NRXN2: variants seen among roughly 807,000 people sequenced by gnomAD.
NRXN2 encodes the protein neurexin 2.
In NRXN2, 29 loss-of-function variants were observed where a neutral mutation model predicts 128.8. The observed-to-expected ratio is 0.23, with a 90% CI of 0.17 to 0.31. The LOEUF (loss-of-function observed/expected upper bound fraction) is 0.31. NRXN2 is among the 10% of genes least tolerant of loss of function. The probability of loss-of-function intolerance (pLI) is 1.00; values close to 1 mark genes in which losing one functional copy is unlikely to be tolerated. For missense variants in NRXN2, 1,881 were observed against 2,452.6 expected (o/e 0.77, Z 4.92); for synonymous variants, 1,098 against 1,075.2 (o/e 1.02, Z -0.41).
intron 17 of NRXN2, among the ~76,000 whole-genome samples, chr11:64,638,364 T>G (rs1462603603): frequency 6.6e-6 from 1 of 152,168 alleles, no homozygotes; most frequent in Non-Finnish European, 1.5e-5. Flanking sequence ...GTAATTACCC[T>G]GGGGAGACAT....
chr11:64,621,325 C>T (rs1171541759), intron 21 of NRXN2, among the ~76,000 whole-genome samples: 1 of 152,212 alleles, frequency 6.6e-6, no homozygotes, highest in East Asian at 1.9e-4. Flanking sequence ...CTGCCCATCA[C>T]CCTCCCACTG....
chr11:64,697,788 C>A lies in NRXN2; in HGVS notation c.735G>T (p.Glu245Asp). ...GFGGKFCSEE[E>D]HPMEGPAHLT... ...GGCTTCACTCACCTTCCATGGGGTG[C>A]TCCTCTGCAGCCAGCGAGGTTCGGA... The change falls in exon 3 of 23, where the codon GAG becomes GAT. Residue 245 changes from glutamate to aspartate, a missense_variant. Glu to Asp is a conservative substitution (Grantham distance 45, BLOSUM62 2). This residue lies in a region of NRXN2 where 997 missense variants were observed against 1,240.8 expected (regional missense o/e 0.80). Coordinates refer to ENST00000265459, the MANE Select transcript of NRXN2 (RefSeq NM_015080.4). 6.2e-7 allele frequency: 1 copy of A among 1,613,850 alleles called. No homozygotes were observed. Among genetic ancestry groups the A allele is most frequent in the Non-Finnish European group, 8.5e-7 (1 of 1,179,840 alleles).
At chr11:64,668,876 C>T (rs1449029126) in intron 7 of NRXN2, among the ~76,000 whole-genome samples, 2 of 152,176 alleles carry the variant, frequency 1.3e-5, no homozygotes, top group Non-Finnish European at 2.9e-5. Flanking sequence ...TTGGAGAGCT[C>T]CCCATGAGGT....
At chr11:64,696,811 T>G (rs1392991988) in intron 3 of NRXN2, among the ~76,000 whole-genome samples, 1 of 152,170 alleles carries the variant, frequency 6.6e-6, no homozygotes, top group African/African-American at 2.4e-5. Flanking sequence ...ACCTCATGCC[T>G]GCTCTGCTGC....
At position 64,713,016 on chromosome 11, in the gene NRXN2, GC is replaced by G; in HGVS notation, c.683del (p.Gly228AlafsTer27). ...CGAAGCCCGTGTGGCTGCAGTCGCA[GC>G]CCACCTCGCCGGGGGCCAGCACGGT... is the stretch of plus-strand genomic sequence containing the variant. Reference protein sequence around the residue: ...LCTVLAPGEVGCDCSHTGFGG... With the variant: ...LCTVLAPGEVXCDCSHTGFGG... On this transcript the variant is annotated frameshift_variant, in exon 2 of 23. Transcript: ENST00000265459. LOFTEE classifies it high-confidence loss of function. 1 of 1,482,682 alleles carries G rather than the reference GC, an allele frequency of 6.7e-7. No individual in the cohort carries two copies. Among genetic ancestry groups the G allele is most frequent in the Non-Finnish European group, 8.9e-7 (1 of 1,120,432 alleles). The allele number at this position is 1,482,682 out of a possible 1,614,324, so 91.8% of individuals were successfully genotyped here. A position where few individuals can be genotyped will look rare whatever the true frequency, so the allele number is the denominator to read the frequency against.
At chr11:64,699,283 C>T (rs1300243829) in intron 2 of NRXN2, among the ~76,000 whole-genome samples, 3 of 152,172 alleles carry the variant, frequency 2.0e-5, no homozygotes, top group African/African-American at 7.2e-5. Context: ...CAGCGATGAA[C>T]ACAGCTCTTT....
Position 64,623,225 on chromosome 11 carries a change from A to G in NRXN2, c.3848-147T>C, listed in dbSNP as rs1487543594. 1 of 1,293,116 alleles carries G rather than the reference A, an allele frequency of 7.7e-7. No individual in the cohort carries two copies. The highest frequency in any genetic ancestry group is 1.5e-5 in the African/African-American group (1 of 66,906). 80.1% of individuals were successfully genotyped at this position (1,293,116 alleles called of 1,614,324 possible). On this transcript the variant is annotated intron_variant, in intron 20 of 22. Coordinates refer to ENST00000265459, the MANE Select transcript of NRXN2 (RefSeq NM_015080.4). The surrounding 1 kb of genome is among the most constrained non-coding windows in gnomAD (Gnocchi z 4.9). ...GAGGAGGGGACGGGGAGAAATGAGG[A>G]AGGGGCAGAAAGCCAAAGGGAAAGT...
At chr11:64,716,935 C>T (rs1298296296) in intron 1 of NRXN2, among the ~76,000 whole-genome samples, 1 of 152,134 alleles carries the variant, frequency 6.6e-6, no homozygotes, top group Non-Finnish European at 1.5e-5. Context: ...TCGCCTTTCC[C>T]CTCCCTGCGC....
chr11:64,629,101 G>A (rs1291164216), intron 19 of NRXN2, among the ~76,000 whole-genome samples: 1 of 152,170 alleles, frequency 6.6e-6, no homozygotes, highest in African/African-American at 2.4e-5. Context: ...CAGCATAGGT[G>A]AGCCCATGAA....
At chr11:64,707,028 T>C (rs963535388) in intron 2 of NRXN2, among the ~76,000 whole-genome samples, 9 of 150,108 alleles carry the variant, frequency 6.0e-5, no homozygotes, top group African/African-American at 2.2e-4. Context: ...CTCAGCTCAC[T>C]GCGACCTCCA....
chr11:64,664,734 G>A (rs2049544737), intron 9 of NRXN2, among the ~76,000 whole-genome samples: 1 of 152,204 alleles, frequency 6.6e-6, no homozygotes, highest in South Asian at 2.1e-4. Flanking sequence ...GCTCACGCCT[G>A]TAATCCCATC....
rs577654085 is a variant in NRXN2 at position 64,630,652 on chromosome 11, A to G, written c.3586-79T>C. On this transcript the variant is annotated intron_variant, in intron 18 of 22. Transcript: ENST00000265459. The surrounding 1 kb of genome is among the most constrained non-coding windows in gnomAD (Gnocchi z 4.6). Reference sequence around the variant, plus strand: ...TCTAGTGGCTACTCCTGTGACCACCACTAGCCCAGCTCCGCAGCACTTAAG... The same window carrying G: ...TCTAGTGGCTACTCCTGTGACCACCGCTAGCCCAGCTCCGCAGCACTTAAG... The G allele has an allele frequency of 1.2e-4, 186 of 1,534,234 alleles. 1 individual carries two copies. In the Admixed American group the frequency reaches 3.2e-3, roughly 26 times the overall value.
At chr11:64,608,141 G>C (rs2040002157) in intron 22 of NRXN2, 59 bp from the exon 23 acceptor site, 1 of 1,296,136 alleles carries the variant, frequency 7.7e-7, no homozygotes, top group Non-Finnish European at 1.1e-6. Context: ...GGCGCAGGCG[G>C]CCGGCACAGA....
At chr11:64,614,270 G>A (rs1047816525) in intron 22 of NRXN2, among the ~76,000 whole-genome samples, 1 of 152,220 alleles carries the variant, frequency 6.6e-6, no homozygotes, top group African/African-American at 2.4e-5. Flanking sequence ...CCCACCTATT[G>A]TTTCAAATGT....
intron 19 of NRXN2, among the ~76,000 whole-genome samples, chr11:64,627,594 T>C (rs1232125385): frequency 6.6e-6 from 1 of 151,768 alleles, no homozygotes; most frequent in Non-Finnish European, 1.5e-5. Flanking sequence ...ACCCACCTGT[T>C]CCTCTCTGCG....
intron 17 of NRXN2, chr11:64,643,264 C>A (rs1229015812): frequency 3.1e-6 from 3 of 979,878 alleles, no homozygotes; most frequent in Non-Finnish European, 3.6e-6. Context: ...GACCTGGTTC[C>A]CCCGAAGGCG....
At chr11:64,625,676 G>T (rs2042977854) in intron 20 of NRXN2, among the ~76,000 whole-genome samples, 2 of 152,156 alleles carry the variant, frequency 1.3e-5, no homozygotes, top group South Asian at 4.1e-4. Flanking sequence ...GAATGGGATG[G>T]ATATGTCCTT....
At chr11:64,670,413 G>C (rs1295793603) in intron 7 of NRXN2, among the ~76,000 whole-genome samples, 2 of 152,154 alleles carry the variant, frequency 1.3e-5, no homozygotes, top group Non-Finnish European at 2.9e-5. Context: ...ACCTGGCAGA[G>C]AAGGGCTGGA....
Position 64,635,553 on chromosome 11 carries a change from G to A in NRXN2, c.3404-101C>T. The A allele has an allele frequency of 7.7e-7, 1 of 1,296,150 alleles. No homozygotes were observed. The highest frequency in any genetic ancestry group is 1.1e-6 in the Non-Finnish European group (1 of 920,906). 80.3% of individuals were successfully genotyped at this position (1,296,150 alleles called of 1,614,324 possible). On this transcript the variant is annotated intron_variant, in intron 17 of 22. Coordinates refer to ENST00000265459, the MANE Select transcript of NRXN2 (RefSeq NM_015080.4). This position sits in a 1 kb window ranked among gnomAD's most constrained non-coding sequence, Gnocchi z 4.8. ...CCAGAGGGATGGAACCCCAGGTCTA[G>A]ATGTGGGACTTCAGCTGTGATACCC... is the stretch of plus-strand genomic sequence containing the variant.
Sources: gnomAD v4.1 joint callset for allele counts (sites outside exome capture counted in the v4.1 genomes callset) on GRCh38, gnomAD v4.1.1 for gene constraint, gnomAD v4.1.1 regional missense constraint, Gnocchi (gnomAD v3.1) non-coding constraint, MANE v1.5 for transcripts, NCBI Gene and HGNC (gene_info 2026-07-23, HGNC 2026-07-21) for gene names.